CBFA2T2: variants seen among roughly 807,000 people sequenced by gnomAD.
The protein encoded by CBFA2T2 is protein CBFA2T2.
A neutral mutation model predicts 62.2 loss-of-function variants in CBFA2T2; 11 were observed. That is an observed-to-expected ratio of 0.18 (90% CI 0.11 to 0.29). The LOEUF is 0.29. Among genes scored for constraint, CBFA2T2 ranks in the 10% least tolerant of loss-of-function variants. CBFA2T2 has a pLI of 1.00. For synonymous variants in CBFA2T2, 295 were observed against 287.5 expected (o/e 1.03, Z -0.27); for missense variants, 592 against 774.1 (o/e 0.76, Z 2.79).
chr20:33,607,765 A>G (rs2015391117), intron 2 of CBFA2T2, among the ~76,000 whole-genome samples: 1 of 152,204 alleles, frequency 6.6e-6, no homozygotes, highest in South Asian at 2.1e-4. Flanking sequence ...TTTAACCTTA[A>G]TGAACTCTTC....
intron 3 of CBFA2T2, among the ~76,000 whole-genome samples, chr20:33,611,861 A>G (rs2015543644): frequency 6.6e-6 from 1 of 152,164 alleles, no homozygotes. Context: ...TTTACTTGTT[A>G]TTTAAGGTGG....
At position 33,490,288 on chromosome 20, in the gene CBFA2T2, G is replaced by A; in HGVS notation, c.21G>A (p.Ala7=). The change falls in exon 1 of 11, where the codon GCG becomes GCA. Residue 7 remains alanine (A), a synonymous_variant. Coordinates refer to ENST00000342704, the MANE Select transcript of CBFA2T2 (RefSeq NM_001032999.3). MVGVPG[A]AAFQLGPEKR... ...CGGCGATGGTAGGCGTCCCTGGAGC[G>A]GCCGCCTTCCAGCGTAAGTGGGGCG... 3.2e-6 allele frequency: 4 copies of A among 1,268,834 alleles called. No individual in the cohort carries two copies. The highest frequency in any genetic ancestry group is 3.4e-5 in the South Asian group (1 of 29,646). The allele number at this position is 1,268,834 out of a possible 1,614,324, so 78.6% of individuals were successfully genotyped here. A position where few individuals can be genotyped will look rare whatever the true frequency, so the allele number is the denominator to read the frequency against.
At chr20:33,521,278 G>A (rs1343671778) in intron 1 of CBFA2T2, among the ~76,000 whole-genome samples, 2 of 152,106 alleles carry the variant, frequency 1.3e-5, no homozygotes, top group Non-Finnish European at 2.9e-5. Context: ...TGTTTTGCTA[G>A]TGTTATCTTC....
In CBFA2T2 at chr20:33,648,924, T is replaced by C. The variant is rs947653956; in HGVS notation, c.*4278T>C. On this transcript the variant is annotated 3_prime_UTR_variant, in exon 11 of 11. Coordinates refer to ENST00000342704, the MANE Select transcript of CBFA2T2 (RefSeq NM_001032999.3). ...CTGCTTGCAAAGGGTATAGACATCA[T>C]TCTGGGTAGTTCTAGAGGATATCGC... 6.6e-6 allele frequency: 1 copy of C among 152,114 alleles called. No individual in the cohort carries two copies. The highest frequency in any genetic ancestry group is 1.5e-5 in the Non-Finnish European group (1 of 68,040). 9.4% of individuals were successfully genotyped at this position (152,114 alleles called of 1,614,324 possible). A position where few individuals can be genotyped will look rare whatever the true frequency, so the allele number is the denominator to read the frequency against.
chr20:33,519,394 C>T (rs1387797911), intron 1 of CBFA2T2, among the ~76,000 whole-genome samples: 1 of 152,020 alleles, frequency 6.6e-6, no homozygotes, highest in Non-Finnish European at 1.5e-5. Flanking sequence ...CGCTTGAACC[C>T]GGGAGGTGGT....
At chr20:33,510,190 T>C (rs1460380418) in intron 1 of CBFA2T2, among the ~76,000 whole-genome samples, 9 of 151,752 alleles carry the variant, frequency 5.9e-5, no homozygotes, top group Non-Finnish European at 1.0e-4. Context: ...ATGGTGTATA[T>C]GTGCCACTTT....
intron 1 of CBFA2T2, among the ~76,000 whole-genome samples, chr20:33,596,326 A>G (rs1352252624): frequency 1.3e-5 from 2 of 152,144 alleles, no homozygotes; most frequent in African/African-American, 4.8e-5. Flanking sequence ...TCTCACCTTC[A>G]TTGTACCTGT....
intron 1 of CBFA2T2, among the ~76,000 whole-genome samples, chr20:33,576,316 T>C (rs762168128): frequency 2.0e-5 from 3 of 152,168 alleles, no homozygotes; most frequent in Non-Finnish European, 4.4e-5. Context: ...TAAAAGTAGA[T>C]ACTGGAACTT....
chr20:33,644,687 A>G lies in CBFA2T2; in HGVS notation c.*41A>G. 6.4e-7 allele frequency: 1 copy of G among 1,552,202 alleles called. No individual in the cohort carries two copies. The highest frequency in any genetic ancestry group is 8.7e-7 in the Non-Finnish European group (1 of 1,143,354). Reference sequence around the variant, plus strand: ...TACCCTGATGGCTGCTCAGCACCACAGAGTGCTTGGGCTGAGGGACTGACT... The same window carrying G: ...TACCCTGATGGCTGCTCAGCACCACGGAGTGCTTGGGCTGAGGGACTGACT... On this transcript the variant is annotated 3_prime_UTR_variant, in exon 11 of 11. Transcript: ENST00000342704.
At chr20:33,562,921 T>G (rs1170366800) in intron 1 of CBFA2T2, among the ~76,000 whole-genome samples, 1 of 152,240 alleles carries the variant, frequency 6.6e-6, no homozygotes, top group African/African-American at 2.4e-5. Context: ...AGATGTAGTA[T>G]ATGAATTCTA....
At chr20:33,503,076 G>A (rs1404397869) in intron 1 of CBFA2T2, among the ~76,000 whole-genome samples, 1 of 103,874 alleles carries the variant, frequency 9.6e-6, no homozygotes, top group East Asian at 3.1e-4. Flanking sequence ...GGGTGACAGA[G>A]CGAGACTCTG....
chr20:33,625,721 G>A, intron 6 of CBFA2T2, among the ~76,000 whole-genome samples: 1 of 152,210 alleles, frequency 6.6e-6, no homozygotes, highest in East Asian at 1.9e-4. Flanking sequence ...GCCAAGGCAG[G>A]AGGATCACTT....
At chr20:33,585,785 C>A (rs2014338631) in intron 1 of CBFA2T2, among the ~76,000 whole-genome samples, 1 of 152,188 alleles carries the variant, frequency 6.6e-6, no homozygotes, top group Non-Finnish European at 1.5e-5. Context: ...ATCTAGAAAG[C>A]ATTATAGTCT....
intron 1 of CBFA2T2, among the ~76,000 whole-genome samples, chr20:33,565,857 T>G (rs1037662595): frequency 2.0e-5 from 3 of 152,138 alleles, no homozygotes; most frequent in African/African-American, 7.2e-5. Flanking sequence ...AAACTGGAGA[T>G]GAGGATAATG....
intron 1 of CBFA2T2, among the ~76,000 whole-genome samples, chr20:33,538,766 G>A (rs950416771): frequency 6.6e-6 from 1 of 150,852 alleles, no homozygotes; most frequent in Non-Finnish European, 1.5e-5. Flanking sequence ...TATTTTCTGT[G>A]TTGTCACTGC....
intron 10 of CBFA2T2, among the ~76,000 whole-genome samples, chr20:33,641,841 C>T (rs2122394691): frequency 6.6e-6 from 1 of 151,560 alleles, no homozygotes; most frequent in South Asian, 2.1e-4. Context: ...ACCTTGGCCT[C>T]CCAAAGTGCT....
intron 1 of CBFA2T2, among the ~76,000 whole-genome samples, chr20:33,603,049 A>G (rs1568846362): frequency 6.6e-6 from 1 of 152,040 alleles, no homozygotes; most frequent in Non-Finnish European, 1.5e-5. Flanking sequence ...TCAATTTAAA[A>G]CTTATGAATT....
intron 1 of CBFA2T2, among the ~76,000 whole-genome samples, chr20:33,529,769 A>T (rs867218148): frequency 3.6e-5 from 4 of 109,814 alleles, no homozygotes; most frequent in Admixed American, 8.5e-5. Flanking sequence ...ATATATATAT[A>T]TATATATATA....
At chr20:33,538,038 C>A (rs954640462) in intron 1 of CBFA2T2, among the ~76,000 whole-genome samples, 1 of 148,604 alleles carries the variant, frequency 6.7e-6, no homozygotes, top group African/African-American at 2.5e-5. Flanking sequence ...TTGATTGGGA[C>A]TACATTGAAT....
Sources: allele counts gnomAD v4.1 joint callset (sites outside exome capture counted in the v4.1 genomes callset), GRCh38; gene constraint gnomAD v4.1.1; transcripts MANE v1.5; gene names NCBI Gene and HGNC (gene_info 2026-07-23, HGNC 2026-07-21).